Variants in TADA3 observed in about 807,000 individuals in gnomAD.
TADA3 encodes the protein transcriptional adaptor 3.
TADA3 carries 25 observed loss-of-function variants against 43.2 expected under a neutral mutation model. The observed-to-expected ratio is 0.58, with a 90% CI of 0.42 to 0.81. The LOEUF is 0.81. Among genes scored for constraint, TADA3 ranks in the 30% least tolerant of loss-of-function variants. The pLI is 0.00. For missense variants in TADA3, 441 were observed against 567.8 expected, an observed-to-expected ratio of 0.78 and a Z score of 2.27; for synonymous variants, 235 against 225.5, an observed-to-expected ratio of 1.04 and a Z score of -0.38.
Position 9,780,325 on chromosome 3 carries a change from G to A in TADA3, c.*32C>T, listed in dbSNP as rs760614892. 1.9e-6 allele frequency: 3 copies of A among 1,589,740 alleles called. No individual in the cohort carries two copies. Among genetic ancestry groups the A allele is most frequent in the South Asian group, 1.1e-5 (1 of 89,762 alleles). ...GTGGGCCTCCCTTCCCCTCCCCTAG[G>A]CCAGATAATCAGCCTGAGGCAGGGG... is the stretch of plus-strand genomic sequence containing the variant. On this transcript the variant is annotated 3_prime_UTR_variant, in exon 9 of 9. Transcript: ENST00000301964.
chr3:9,785,381 C>T lies in TADA3; in HGVS notation c.855G>A (p.Met285Ile), dbSNP rs1209995283. The T allele has an allele frequency of 6.2e-7, 1 of 1,613,958 alleles. No individual in the cohort carries two copies. Among genetic ancestry groups the T allele is most frequent in the African/African-American group, 1.3e-5 (1 of 74,904 alleles). ...CGTCAGCCCCTGATTCTTTCCCAGACATGTCAGGAATAGGAGAATCCTCCA... is the reference window on the plus strand; with the variant it reads ...CGTCAGCCCCTGATTCTTTCCCAGATATGTCAGGAATAGGAGAATCCTCCA... ...SPMEDSPIPD[M>I]SGKESGADGA... The change falls in exon 7 of 9, where the codon ATG (methionine) becomes ATA (isoleucine). Residue 285 changes from methionine to isoleucine, a missense_variant. Physicochemically the swap from Met to Ile is conservative, Grantham distance 10. Coordinates refer to ENST00000301964, the MANE Select transcript of TADA3 (RefSeq NM_006354.5).
At chr3:9,782,790 CAA>C (rs36123956) in intron 8 of TADA3, among the ~76,000 whole-genome samples, 14 of 119,976 alleles carry the variant, frequency 1.2e-4, no homozygotes, top group African/African-American at 1.0e-4. Context: ...GACACCGTCT[CAA>C]AAAAAAAAAA....
chr3:9,784,915 G>T (rs1422319419), intron 7 of TADA3, among the ~76,000 whole-genome samples: 10 of 151,512 alleles, frequency 6.6e-5, no homozygotes, highest in African/African-American at 2.2e-4. Context: ...AGTAAAAATA[G>T]TATTATACCA....
upstream of TADA3, chr3:9,792,515 G>C (rs932574058): frequency 8.2e-7 from 1 of 1,220,422 alleles, no homozygotes; most frequent in Non-Finnish European, 1.0e-6. Context: ...GGGGCGGGGA[G>C]TCAGCGAGGG....
At position 9,780,588 on chromosome 3, in the gene TADA3, C is replaced by A; in HGVS notation, c.1107-39G>T. 1.9e-6 allele frequency: 3 copies of A among 1,572,388 alleles called. No homozygotes were observed. In the East Asian group the frequency reaches 6.8e-5, roughly 36 times the overall value. ...CCAGCCAGGTGCCAGGGTCAGCCCACCTCCAGAGAACAACCCCTCCCTCTT... is the reference window on the plus strand; with the variant it reads ...CCAGCCAGGTGCCAGGGTCAGCCCAACTCCAGAGAACAACCCCTCCCTCTT... On this transcript the variant is annotated intron_variant, in intron 8 of 8. Coordinates refer to ENST00000301964, the MANE Select transcript of TADA3 (RefSeq NM_006354.5).
intron 4 of TADA3, chr3:9,787,703 GCTGT>G (rs1402208008): frequency 7.6e-6 from 10 of 1,319,456 alleles, no homozygotes; most frequent in African/African-American, 1.5e-5. Flanking sequence ...TGAATTTACT[GCTGT>G]CTGTATGAAC....
At chr3:9,782,479 C>T (rs1329271066) in intron 8 of TADA3, among the ~76,000 whole-genome samples, 1 of 152,214 alleles carries the variant, frequency 6.6e-6, no homozygotes, top group East Asian at 1.9e-4. Context: ...ATACATTAGT[C>T]ACTCTTATCC....
In TADA3 at chr3:9,785,369, T is replaced by C. The variant is rs765147036; in HGVS notation, c.867A>G (p.Glu289=). Residue 289 remains glutamate, a synonymous_variant, in exon 7 of 9, where the codon GAA becomes GAG. Coordinates refer to ENST00000301964, the MANE Select transcript of TADA3 (RefSeq NM_006354.5). ...AGGTGCTTGCCCCGTCAGCCCCTGA[T>C]TCTTTCCCAGACATGTCAGGAATAG... is the stretch of plus-strand genomic sequence containing the variant. ...DSPIPDMSGK[E]SGADGASTSP... is the part of the protein sequence containing the mutation. The C allele has an allele frequency of 1.9e-6, 3 of 1,614,004 alleles. No homozygotes were observed. The highest frequency in any genetic ancestry group is 1.3e-5 in the African/African-American group (1 of 74,926).
intron 8 of TADA3, 83 bp from the exon 9 acceptor site, chr3:9,780,632 C>T (rs563055936): frequency 1.4e-6 from 2 of 1,420,456 alleles, no homozygotes; most frequent in East Asian, 2.5e-5. Flanking sequence ...AGCCTACCCA[C>T]CAGCCCAGGC....
chr3:9,791,428 G>T lies in TADA3; in HGVS notation c.39C>A (p.Asp13Glu). Residue 13 changes from aspartate to glutamate, a missense_variant, in exon 2 of 9, where the codon GAC (aspartate) becomes GAA (glutamate). Asp to Glu is a conservative substitution (Grantham distance 45, BLOSUM62 2). Transcript: ENST00000301964. ...CCTTCAGGTGATCCACAGACTTGAAGTCGTGGAACTGCAAGGGGCAGTCTT... is the reference window on the plus strand; with the variant it reads ...CCTTCAGGTGATCCACAGACTTGAATTCGTGGAACTGCAAGGGGCAGTCTT... Reference protein sequence around the residue: ...ELKDCPLQFHDFKSVDHLKVC... With the variant: ...ELKDCPLQFHEFKSVDHLKVC... 1 of 1,613,898 alleles carries T rather than the reference G, an allele frequency of 6.2e-7. No homozygotes were observed. The highest frequency in any genetic ancestry group is 8.5e-7 in the Non-Finnish European group (1 of 1,179,754).
At chr3:9,785,023 A>G (rs2078574008) in intron 7 of TADA3, among the ~76,000 whole-genome samples, 1 of 152,174 alleles carries the variant, frequency 6.6e-6, no homozygotes, top group African/African-American at 2.4e-5. Context: ...TTGCAGCTAT[A>G]TGATTAATAG....
intron 8 of TADA3, among the ~76,000 whole-genome samples, chr3:9,782,723 G>A (rs961227609): frequency 1.3e-5 from 2 of 151,586 alleles, no homozygotes; most frequent in African/African-American, 2.4e-5. Flanking sequence ...CCCGGGAGGC[G>A]GAGGTTGCAG....
rs533716741 is a variant in TADA3, at chr3:9,791,161, C to A, written c.207+99G>T. 6.7e-5 allele frequency: 85 copies of A among 1,263,640 alleles called. No individual in the cohort carries two copies. In the African/African-American group the frequency reaches 1.0e-3, roughly 15 times the overall value. 78.3% of individuals were successfully genotyped at this position (1,263,640 alleles called of 1,614,324 possible). On this transcript the variant is annotated intron_variant, in intron 2 of 8. Transcript: ENST00000301964. ...GTCTCTCTCCCTCTCCCCACAAACC[C>A]CTGTACCCCAAGTCTCAGCATATGG...
upstream of TADA3, chr3:9,792,950 A>G: frequency 7.1e-7 from 1 of 1,413,004 alleles, no homozygotes; most frequent in Non-Finnish European, 9.2e-7. Context: ...CCCTAGGTGG[A>G]AAACTTCCGG....
chr3:9,786,892 C>T, intron 6 of TADA3, 114 bp downstream of exon 6: 1 of 966,882 alleles, frequency 1.0e-6, no homozygotes, highest in South Asian at 1.6e-5. Flanking sequence ...TACTTTTGCA[C>T]CAACCTATTT....
chr3:9,790,486 T>C (rs1347057626), intron 2 of TADA3, among the ~76,000 whole-genome samples: 1 of 152,176 alleles, frequency 6.6e-6, no homozygotes, highest in East Asian at 1.9e-4. Context: ...TGTTGTTTGG[T>C]CACACTGGAA....
intron 8 of TADA3, chr3:9,783,448 G>C (rs972024277): frequency 1.3e-5 from 2 of 151,662 alleles, no homozygotes; most frequent in Non-Finnish European, 2.9e-5. Context: ...GCCTCCCATG[G>C]AGATACATTT....
chr3:9,790,834 C>T (rs1009119155), intron 2 of TADA3, among the ~76,000 whole-genome samples: 6 of 152,196 alleles, frequency 3.9e-5, no homozygotes, highest in Non-Finnish European at 8.8e-5. Context: ...TAGGAAACAG[C>T]AATGCTAGCA....
rs530244256 is a variant in TADA3 at position 9,780,672 on chromosome 3, C to T, written c.1107-123G>A. 3.2e-5 allele frequency: 33 copies of T among 1,019,864 alleles called. No individual in the cohort carries two copies. In the East Asian group the frequency reaches 4.7e-4, roughly 15 times the overall value. 63.2% of individuals were successfully genotyped at this position (1,019,864 alleles called of 1,614,324 possible). On this transcript the variant is annotated intron_variant, in intron 8 of 8. Transcript: ENST00000301964. ...ATGCCTGTGGATTGTGTCATACAGT[C>T]GTGACCAAAAAGCAGTTACTGACCT...
Sources: allele counts gnomAD v4.1 joint callset (sites outside exome capture counted in the v4.1 genomes callset), GRCh38; gene constraint gnomAD v4.1.1; transcripts MANE v1.5; gene names NCBI Gene and HGNC (gene_info 2026-07-23, HGNC 2026-07-21).